Variants in FER observed in about 807,000 individuals in gnomAD.
FER encodes the protein FER tyrosine kinase, also known as tyrosine-protein kinase Fer.
Under a neutral mutation model 111.0 loss-of-function variants are expected in FER, and 63 were observed. That is an observed-to-expected ratio of 0.57 (90% CI 0.46 to 0.70). FER has a LOEUF of 0.70. FER is among the 30% of genes least tolerant of loss of function. The probability of loss-of-function intolerance (pLI) is 0.00; values close to 1 mark genes in which losing one functional copy is unlikely to be tolerated. For missense variants in FER, 914 were observed against 954.0 expected (o/e 0.96, Z 0.55); for synonymous variants, 327 against 313.9 (o/e 1.04, Z -0.44).
chr5:108,781,619 A>G (rs1290691393), intron 2 of FER, among the ~76,000 whole-genome samples: 1 of 152,102 alleles, frequency 6.6e-6, no homozygotes, highest in African/African-American at 2.4e-5. Context: ...GGGGGATAGG[A>G]AGCATTCTAC....
intron 13 of FER, among the ~76,000 whole-genome samples, chr5:108,970,979 TG>T (rs1760568526): frequency 6.6e-6 from 1 of 152,134 alleles, no homozygotes; most frequent in Non-Finnish European, 1.5e-5. Flanking sequence ...AATATGATGG[TG>T]ATACCACATA....
intron 1 of FER, among the ~76,000 whole-genome samples, chr5:108,759,286 T>G (rs1208198495): frequency 6.6e-6 from 1 of 152,220 alleles, no homozygotes; most frequent in East Asian, 1.9e-4. Flanking sequence ...AGGATGGCCT[T>G]TCCCCCAGTT....
intron 13 of FER, among the ~76,000 whole-genome samples, chr5:108,984,150 T>A (rs760465073): frequency 2.0e-5 from 3 of 151,356 alleles, no homozygotes; most frequent in Non-Finnish European, 4.4e-5. Context: ...TGTCTTACCT[T>A]TTATTCTTCC....
At chr5:109,087,290 C>T (rs1777675725) in intron 16 of FER, among the ~76,000 whole-genome samples, 1 of 151,466 alleles carries the variant, frequency 6.6e-6, no homozygotes, top group African/African-American at 2.4e-5. Context: ...GTTTAATTGC[C>T]ATGCACATGG....
At chr5:108,985,592 C>T (rs1313376400) in intron 13 of FER, among the ~76,000 whole-genome samples, 3 of 152,090 alleles carry the variant, frequency 2.0e-5, no homozygotes, top group Non-Finnish European at 4.4e-5. Flanking sequence ...GATTCCCTCC[C>T]ACCATTTCCC....
chr5:109,012,368 A>G (rs1193471433), intron 13 of FER, among the ~76,000 whole-genome samples: 2 of 152,206 alleles, frequency 1.3e-5, no homozygotes, highest in Non-Finnish European at 2.9e-5. Context: ...GAGGGATAGC[A>G]ACATTGCCTT....
In FER at chr5:108,911,716, A is replaced by G. The variant is rs140985515; in HGVS notation, c.1236+13868A>G. ...ATTTTCAGAGCACCATTTATTGGAT[A>G]GGGTAGCCTTTCCTCACTGTTTATT... is the stretch of plus-strand genomic sequence containing the variant. On this transcript the variant is annotated intron_variant, in intron 10 of 19. Coordinates refer to ENST00000281092, the MANE Select transcript of FER (RefSeq NM_005246.4). Among the ~76,000 whole-genome samples the G allele has an allele frequency of 5.8e-3, 879 of 152,284 alleles. 6 individuals carry two copies. The highest frequency in any genetic ancestry group is 0.02 in the African/African-American group (819 of 41,548).
chr5:108,792,824 T>A (rs1755536345), intron 2 of FER, among the ~76,000 whole-genome samples: 1 of 151,906 alleles, frequency 6.6e-6, no homozygotes, highest in Admixed American at 6.6e-5. Flanking sequence ...TAAATATAAT[T>A]TATTTTGTAT....
intron 1 of FER, among the ~76,000 whole-genome samples, chr5:108,749,628 C>T (rs951016163): frequency 6.6e-6 from 1 of 152,204 alleles, no homozygotes; most frequent in Non-Finnish European, 1.5e-5. Flanking sequence ...CTTTTATCCC[C>T]CACCTCATCT....
chr5:108,877,411 G>T (rs1169822773), intron 8 of FER, among the ~76,000 whole-genome samples: 1 of 152,160 alleles, frequency 6.6e-6, no homozygotes, highest in Non-Finnish European at 1.5e-5. Context: ...TTGGATTGGA[G>T]GTGGATTAAG....
chr5:109,142,200 C>T (rs1434129023), intron 17 of FER, among the ~76,000 whole-genome samples: 1 of 152,176 alleles, frequency 6.6e-6, no homozygotes, highest in Admixed American at 6.5e-5. Context: ...ATTATTTACA[C>T]AATGGGAGTT....
At chr5:108,985,810 A>G (rs930876728) in intron 13 of FER, among the ~76,000 whole-genome samples, 4 of 152,172 alleles carry the variant, frequency 2.6e-5, no homozygotes. Flanking sequence ...GTATATATAC[A>G]CCACAATTTC....
At chr5:108,849,933 T>A (rs1242250988) in intron 5 of FER, among the ~76,000 whole-genome samples, 1 of 152,186 alleles carries the variant, frequency 6.6e-6, no homozygotes. Flanking sequence ...GGCTCACGCC[T>A]GTAATCCCAG....
At chr5:109,131,411 G>T (rs1309253410) in intron 17 of FER, among the ~76,000 whole-genome samples, 1 of 152,100 alleles carries the variant, frequency 6.6e-6, no homozygotes, top group Non-Finnish European at 1.5e-5. Context: ...TGTAGCATAA[G>T]ATTTTTTCCC....
intron 17 of FER, among the ~76,000 whole-genome samples, chr5:109,171,065 T>C (rs1280133216): frequency 6.6e-6 from 1 of 152,240 alleles, no homozygotes; most frequent in Non-Finnish European, 1.5e-5. Flanking sequence ...TCTATCTATG[T>C]GCACTATTCT....
chr5:109,026,828 G>A (rs1486745386), intron 13 of FER, among the ~76,000 whole-genome samples: 1 of 151,988 alleles, frequency 6.6e-6, no homozygotes, highest in African/African-American at 2.4e-5. Context: ...ACAGGCGCCC[G>A]CCACCATGCG....
At chr5:109,148,436 C>T (rs750797425) in intron 17 of FER, among the ~76,000 whole-genome samples, 15 of 152,024 alleles carry the variant, frequency 9.9e-5, no homozygotes, top group Non-Finnish European at 2.2e-4. Flanking sequence ...ATTGAAAAGA[C>T]AGTAAAGGAA....
intron 17 of FER, among the ~76,000 whole-genome samples, chr5:109,139,690 C>T (rs976493593): frequency 6.6e-6 from 1 of 152,008 alleles, no homozygotes; most frequent in African/African-American, 2.4e-5. Flanking sequence ...AGCAAACCCC[C>T]AGTTTTCTTC....
intron 10 of FER, among the ~76,000 whole-genome samples, chr5:108,934,390 C>G (rs1353504928): frequency 4.6e-5 from 7 of 152,246 alleles, no homozygotes; most frequent in Admixed American, 6.5e-5. Flanking sequence ...CATTATATGA[C>G]AGCGTTGTAA....
Sources: allele counts gnomAD v4.1 joint callset (sites outside exome capture counted in the v4.1 genomes callset), GRCh38; gene constraint gnomAD v4.1.1; transcripts MANE v1.5; gene names NCBI Gene and HGNC (gene_info 2026-07-23, HGNC 2026-07-21).